The following NAALADL2 variants were observed in gnomAD, a reference collection of about 807,000 sequenced individuals.
The protein encoded by NAALADL2 is inactive N-acetylated-alpha-linked acidic dipeptidase-like protein 2.
A neutral mutation model predicts 87.2 loss-of-function variants in NAALADL2; 76 were observed. That is an observed-to-expected ratio of 0.87 (90% confidence interval 0.72 to 1.05). The LOEUF is 1.05. Among genes scored for constraint, NAALADL2 ranks in the 50% least tolerant of loss-of-function variants. The pLI, the probability that NAALADL2 is intolerant of heterozygous loss-of-function variation, is 0.00. For missense variants in NAALADL2, 1,089 were observed against 945.8 expected (o/e 1.15, Z -1.99); for synonymous variants, 354 against 331.0 (o/e 1.07, Z -0.75).
chr3:174,789,344 G>A (rs930940182), intron 3 of NAALADL2, among the ~76,000 whole-genome samples: 5 of 152,178 alleles, frequency 3.3e-5, no homozygotes, highest in African/African-American at 7.2e-5. Context: ...GCGTGAGGTA[G>A]GGTAGGTAGA....
chr3:175,080,691 A>G (rs896905617), intron 1 of NAALADL2, among the ~76,000 whole-genome samples: 2 of 152,356 alleles, frequency 1.3e-5, no homozygotes, highest in Admixed American at 6.5e-5. Context: ...CTGTGTGGAA[A>G]GAACAAATCA....
intron 2 of NAALADL2, among the ~76,000 whole-genome samples, chr3:175,209,669 C>T (rs1170805647): frequency 4.6e-5 from 7 of 151,452 alleles, no homozygotes; most frequent in African/African-American, 1.2e-4. Context: ...TGCCAGCTTA[C>T]GGTGATATGT....
chr3:174,593,214 G>A (rs1007595440), intron 2 of NAALADL2, among the ~76,000 whole-genome samples: 41 of 152,080 alleles, frequency 2.7e-4, no homozygotes, highest in African/African-American at 8.4e-4. Context: ...TGCTAAATAA[G>A]TTATTCTTAC....
In NAALADL2 at chr3:175,504,650, G is replaced by A. The variant is rs543575093; in HGVS notation, c.1653+32892G>A. ...CACAGTGAGAAAGCAGTCATTTGCA[G>A]GCCAGCAAGAGACCCTTCACCAGAA... is the stretch of plus-strand genomic sequence containing the variant. On this transcript the variant is annotated intron_variant, in intron 9 of 13. Transcript: ENST00000454872. Among the ~76,000 whole-genome samples, 152 of 145,054 alleles carry A rather than the reference G, an allele frequency of 1.0e-3. 2 individuals are homozygous for A. Among genetic ancestry groups the A allele is most frequent in the African/African-American group, 3.7e-3 (144 of 39,276 alleles).
At chr3:175,227,266 G>A (rs1272420270) in intron 2 of NAALADL2, among the ~76,000 whole-genome samples, 1 of 151,928 alleles carries the variant, frequency 6.6e-6, no homozygotes, top group East Asian at 1.9e-4. Flanking sequence ...TCATACAGTA[G>A]CAGGTGTTGA....
intron 1 of NAALADL2, among the ~76,000 whole-genome samples, chr3:174,962,289 A>T (rs763596130): frequency 2.1e-5 from 3 of 145,632 alleles, no homozygotes; most frequent in Non-Finnish European, 3.0e-5. Flanking sequence ...AGATTCCTAC[A>T]TTGTATTTAA....
intron 11 of NAALADL2, among the ~76,000 whole-genome samples, chr3:175,677,731 C>T (rs979979360): frequency 2.0e-5 from 3 of 151,940 alleles, no homozygotes; most frequent in Non-Finnish European, 4.4e-5. Context: ...ATTTGAGTTG[C>T]CTTGTGTATA....
chr3:175,267,286 T>C (rs1752091381), intron 4 of NAALADL2, among the ~76,000 whole-genome samples: 1 of 152,152 alleles, frequency 6.6e-6, no homozygotes, highest in Non-Finnish European at 1.5e-5. Flanking sequence ...AGTGGCTTTA[T>C]AAATTGTGTG....
At chr3:174,998,663 A>C (rs1747846622) in intron 1 of NAALADL2, among the ~76,000 whole-genome samples, 1 of 152,198 alleles carries the variant, frequency 6.6e-6, no homozygotes, top group Admixed American at 6.5e-5. Flanking sequence ...CTGCATGTTG[A>C]GTCAGATTCT....
chr3:175,733,319 T>G (rs1346593752), intron 11 of NAALADL2, among the ~76,000 whole-genome samples: 1 of 152,158 alleles, frequency 6.6e-6, no homozygotes, highest in East Asian at 1.9e-4. Flanking sequence ...ATAATCATGT[T>G]GGAAGGCAAG....
intron 2 of NAALADL2, among the ~76,000 whole-genome samples, chr3:175,127,903 T>A (rs1251629395): frequency 2.0e-5 from 3 of 152,142 alleles, no homozygotes; most frequent in Non-Finnish European, 4.4e-5. Context: ...ATAAAAATGA[T>A]GGAAGTAAAA....
chr3:174,874,455 G>A (rs78054561), intron 1 of NAALADL2, among the ~76,000 whole-genome samples: 2,997 of 152,202 alleles, frequency 0.02, 88 homozygotes, highest in African/African-American at 0.068. Context: ...TGCAGCAGGT[G>A]CACCTCAAAG....
intron 9 of NAALADL2, among the ~76,000 whole-genome samples, chr3:175,565,476 T>C (rs1716953055): frequency 6.6e-6 from 1 of 152,154 alleles, no homozygotes; most frequent in African/African-American, 2.4e-5. Flanking sequence ...TGTTTTGCTT[T>C]CCGTGTTGGC....
At chr3:174,651,368 G>A (rs1312752192) in intron 2 of NAALADL2, among the ~76,000 whole-genome samples, 1 of 152,110 alleles carries the variant, frequency 6.6e-6, no homozygotes, top group Non-Finnish European at 1.5e-5. Flanking sequence ...AACAAAACTT[G>A]GAGTGGATAC....
intron 5 of NAALADL2, among the ~76,000 whole-genome samples, chr3:175,435,621 A>G (rs915500398): frequency 3.1e-4 from 47 of 152,228 alleles, no homozygotes; most frequent in Admixed American, 7.2e-4. Flanking sequence ...TGGAGGGAAG[A>G]GAATGATGGT....
chr3:174,859,342 A>C lies in NAALADL2; in HGVS notation c.-66A>C. 3.2e-6 allele frequency: 4 copies of C among 1,231,854 alleles called. No individual in the cohort carries two copies. Among genetic ancestry groups the C allele is most frequent in the Non-Finnish European group, 4.7e-6 (4 of 848,700 alleles). 76.3% of individuals were successfully genotyped at this position (1,231,854 alleles called of 1,614,324 possible). A position where few individuals can be genotyped will look rare whatever the true frequency, so the allele number is the denominator to read the frequency against. Reference sequence around the variant, plus strand: ...TACTACAGTAGAAAGTCAGAAGGTCACAAAGCTTGCAGGGTAAGTGACACA... The same window carrying C: ...TACTACAGTAGAAAGTCAGAAGGTCCCAAAGCTTGCAGGGTAAGTGACACA... On this transcript the variant is annotated 5_prime_UTR_variant, in exon 1 of 14. Transcript: ENST00000454872.
rs1452922762 is a variant in NAALADL2 at position 175,808,480 on chromosome 3, A to G, written c.*5277A>G. 3.9e-5 allele frequency: 6 copies of G among 151,992 alleles called. No homozygotes were observed. The highest frequency in any genetic ancestry group is 8.8e-5 in the Non-Finnish European group (6 of 67,936). The allele number at this position is 151,992 out of a possible 1,614,324, so 9.4% of individuals were successfully genotyped here. On this transcript the variant is annotated 3_prime_UTR_variant, in exon 14 of 14. Transcript: ENST00000454872. ...ATTTCTTATGCACCATTCAGTCAAG[A>G]CTTAACTCAGAGGCAGTTGATTCAG...
chr3:174,826,656 C>T (rs922763501), intron 3 of NAALADL2, among the ~76,000 whole-genome samples: 20 of 152,270 alleles, frequency 1.3e-4, no homozygotes, highest in African/African-American at 4.8e-4. Flanking sequence ...TCAGTTTTCT[C>T]AGTGTATAAA....
intron 3 of NAALADL2, among the ~76,000 whole-genome samples, chr3:175,254,577 A>T (rs1193008974): frequency 6.6e-6 from 1 of 152,156 alleles, no homozygotes; most frequent in Admixed American, 6.6e-5. Context: ...TGCTACATAT[A>T]AAAAAAGTTC....
Sources: gnomAD v4.1 joint callset for allele counts (sites outside exome capture counted in the v4.1 genomes callset) on GRCh38, gnomAD v4.1.1 for gene constraint, MANE v1.5 for transcripts, NCBI Gene and HGNC (gene_info 2026-07-23, HGNC 2026-07-21) for gene names.